GABRA5: variants seen among roughly 807,000 people sequenced by gnomAD.
GABRA5 encodes the protein gamma-aminobutyric acid receptor subunit alpha-5.
Under a neutral mutation model 47.3 loss-of-function variants are expected in GABRA5, and 18 were observed. The observed-to-expected ratio is 0.38, with a 90% confidence interval of 0.26 to 0.56. The LOEUF (loss-of-function observed/expected upper bound fraction) is 0.56. Ranked by LOEUF, GABRA5 falls within the 20% of genes least tolerant of loss-of-function variation. GABRA5 has a pLI of 0.71. For synonymous variants in GABRA5, 237 were observed against 229.3 expected (o/e 1.03, Z -0.30); for missense variants, 365 against 599.3 (o/e 0.61, Z 4.08).
intron 3 of GABRA5, among the ~76,000 whole-genome samples, chr15:26,874,109 A>G (rs1193987541): frequency 6.6e-6 from 1 of 152,204 alleles, no homozygotes; most frequent in Non-Finnish European, 1.5e-5. Context: ...GAGAAGGAGC[A>G]TGTGGGCTTT....
intron 7 of GABRA5, among the ~76,000 whole-genome samples, chr15:26,926,602 G>A (rs749201593): frequency 3.9e-5 from 6 of 152,084 alleles, no homozygotes; most frequent in African/African-American, 9.7e-5. Flanking sequence ...GATCCCTGAG[G>A]CATTTCATTT....
intron 6 of GABRA5, among the ~76,000 whole-genome samples, chr15:26,892,781 A>T (rs149789478): frequency 6.6e-6 from 1 of 152,064 alleles, no homozygotes; most frequent in Non-Finnish European, 1.5e-5. Flanking sequence ...GGATGGAATC[A>T]GCTGAAGGGC....
rs149491195 is a variant in GABRA5 at position 26,869,659 on chromosome 15, T to C, written c.86+325T>C. On this transcript the variant is annotated intron_variant, in intron 3 of 10. Transcript: ENST00000335625. ...AACAAGATTCAGGAGTTCACATGCA[T>C]GAAGGACAGTCACTGCTTGTTAGAC... Among the ~76,000 whole-genome samples, 576 of 152,374 alleles carry C rather than the reference T, an allele frequency of 3.8e-3. 6 individuals carry two copies. Among genetic ancestry groups the C allele is most frequent in the African/African-American group, 0.013 (555 of 41,596 alleles).
chr15:26,893,904 C>T (rs1043107123), intron 6 of GABRA5, among the ~76,000 whole-genome samples: 2 of 152,096 alleles, frequency 1.3e-5, no homozygotes, highest in Admixed American at 6.5e-5. Flanking sequence ...CGGCGGCAGC[C>T]GGTCAAGGGG....
intron 7 of GABRA5, among the ~76,000 whole-genome samples, chr15:26,928,706 T>A (rs368608921): frequency 2.6e-5 from 4 of 152,312 alleles, no homozygotes; most frequent in African/African-American, 9.6e-5. Flanking sequence ...GTTGCTTTAG[T>A]CTGGTTTGGC....
Position 26,911,211 on chromosome 15 carries a change from G to C in GABRA5, c.498-3592G>C, listed in dbSNP as rs1489223593. On this transcript the variant is annotated intron_variant, in intron 6 of 10. Coordinates refer to ENST00000335625, the MANE Select transcript of GABRA5 (RefSeq NM_000810.4). Reference sequence around the variant, plus strand: ...CTATAAAATTGGGAGAAGTCACAAGGCTCTAATAATAGCATTTATTGAGAT... The same window carrying C: ...CTATAAAATTGGGAGAAGTCACAAGCCTCTAATAATAGCATTTATTGAGAT... 2.0e-5 allele frequency among the ~76,000 whole-genome samples: 3 copies of C among 152,022 alleles called. No individual in the cohort carries two copies. The East Asian group carries it at 5.8e-4, about 29-fold the overall frequency.
chr15:26,900,548 C>A (rs1251822282), intron 6 of GABRA5, among the ~76,000 whole-genome samples: 1 of 152,028 alleles, frequency 6.6e-6, no homozygotes, highest in East Asian at 1.9e-4. Context: ...AAAAGAATTT[C>A]ATTTTTGGAG....
chr15:26,892,344 T>C (rs1374844120), intron 6 of GABRA5, among the ~76,000 whole-genome samples: 1 of 152,112 alleles, frequency 6.6e-6, no homozygotes. Context: ...GACGGCGGCG[T>C]CACCCAGCCC....
chr15:26,945,117 G>C (rs543463580), intron 10 of GABRA5, among the ~76,000 whole-genome samples: 1 of 152,336 alleles, frequency 6.6e-6, no homozygotes, highest in South Asian at 2.1e-4. Flanking sequence ...AATAAGCCGC[G>C]TGCCTCAAGC....
intron 3 of GABRA5, among the ~76,000 whole-genome samples, chr15:26,873,968 A>G (rs1892532204): frequency 6.6e-6 from 1 of 152,202 alleles, no homozygotes; most frequent in Non-Finnish European, 1.5e-5. Flanking sequence ...ATTCTCAGTT[A>G]TCTGCTTTAT....
At chr15:26,947,810 G>C (rs1894547813) in intron 10 of GABRA5, 124 bp from the exon 11 acceptor site, 1 of 800,126 alleles carries the variant, frequency 1.2e-6, no homozygotes, top group Non-Finnish European at 2.0e-6. Flanking sequence ...CATCAGTGGA[G>C]GAGGGCCCTC....
chr15:26,929,951 G>C (rs143320853), intron 7 of GABRA5, among the ~76,000 whole-genome samples: 1 of 150,824 alleles, frequency 6.6e-6, no homozygotes, highest in East Asian at 2.0e-4. Flanking sequence ...TAGATAGGTT[G>C]AACATTTCCC....
Position 26,948,216 on chromosome 15 carries a change from G to A in GABRA5, c.1372G>A (p.Ala458Thr). Residue 458 changes from alanine (A) to threonine (T), a missense_variant, in exon 11 of 11, where the codon GCC (alanine) becomes ACC (threonine). By Grantham distance (58) the Ala-to-Thr change is moderately conservative. This residue lies in a region of GABRA5 where 106 missense variants were observed against 130.3 expected (regional missense o/e 0.81). Coordinates refer to ENST00000335625, the MANE Select transcript of GABRA5 (RefSeq NM_000810.4). Reference sequence around the variant, plus strand: ...GAATAGGGAGCCGGTGATAAAAGGAGCCGCCTCTCCAAAATAACCGGCCAC... The same window carrying A: ...GAATAGGGAGCCGGTGATAAAAGGAACCGCCTCTCCAAAATAACCGGCCAC... The part of the protein sequence containing the change: ...YLNREPVIKG[A>T]ASPK 3.1e-6 allele frequency: 5 copies of A among 1,611,374 alleles called. No individual in the cohort carries two copies. The highest frequency in any genetic ancestry group is 4.2e-6 in the Non-Finnish European group (5 of 1,179,292).
intron 6 of GABRA5, among the ~76,000 whole-genome samples, chr15:26,902,854 G>A (rs1893357943): frequency 2.0e-5 from 3 of 152,052 alleles, no homozygotes; most frequent in African/African-American, 4.8e-5. Context: ...TCATAAACAG[G>A]TATTAGATTT....
intron 7 of GABRA5, among the ~76,000 whole-genome samples, chr15:26,927,643 C>T (rs138580889): frequency 6.6e-6 from 1 of 152,152 alleles, no homozygotes; most frequent in South Asian, 2.1e-4. Flanking sequence ...TGCTATTCAA[C>T]AAAGTTTTTT....
chr15:26,887,359 T>G (rs747310984), intron 6 of GABRA5, among the ~76,000 whole-genome samples: 5 of 152,162 alleles, frequency 3.3e-5, no homozygotes, highest in Admixed American at 2.0e-4. Flanking sequence ...AGAAAGAGTT[T>G]TGCTCTGTCA....
intron 7 of GABRA5, among the ~76,000 whole-genome samples, chr15:26,917,458 A>G (rs1893744288): frequency 6.6e-6 from 1 of 152,064 alleles, no homozygotes; most frequent in Non-Finnish European, 1.5e-5. Flanking sequence ...GTGTTGCTGA[A>G]TTCAGTTTGT....
chr15:26,894,843 TC>T (rs1893140861), intron 6 of GABRA5, among the ~76,000 whole-genome samples: 2 of 152,174 alleles, frequency 1.3e-5, no homozygotes, highest in Admixed American at 1.3e-4. Context: ...GTTTTTGTCT[TC>T]CAGTCTCCGT....
intron 8 of GABRA5, chr15:26,939,184 G>C: frequency 1.3e-6 from 1 of 757,530 alleles, no homozygotes. Context: ...CAAGAAGACT[G>C]GCCCAGCGGG....
Sources: gnomAD v4.1 joint callset for allele counts (sites outside exome capture counted in the v4.1 genomes callset) on GRCh38, gnomAD v4.1.1 for gene constraint, gnomAD v4.1.1 regional missense constraint, MANE v1.5 for transcripts, NCBI Gene and HGNC (gene_info 2026-07-23, HGNC 2026-07-21) for gene names.